The following PHF3 variants were observed in gnomAD, a reference collection of about 807,000 sequenced individuals.
PHF3 encodes the protein PHD finger protein 3.
A neutral mutation model predicts 178.4 loss-of-function variants in PHF3; 41 were observed. The observed-to-expected ratio is 0.23, with a 90% CI of 0.18 to 0.30. The LOEUF (loss-of-function observed/expected upper bound fraction) is 0.30. PHF3 is among the 10% of genes least tolerant of loss of function. The pLI is 1.00. For synonymous variants in PHF3, 842 were observed against 800.5 expected (o/e 1.05, Z -0.88); for missense variants, 2,346 against 2,398.1 (o/e 0.98, Z 0.45).
rs1309688560 is a variant in PHF3, at chr6:63,721,017, T to C, written c.*7309T>C. The stretch of plus-strand genomic sequence containing the variant: ...GAGACCAATTGCCAGAAAATCATTT[T>C]CTTCATTTTGAGCTATTCCCATCCA... On this transcript the variant is annotated 3_prime_UTR_variant, in exon 16 of 16. Coordinates refer to ENST00000262043, the MANE Select transcript of PHF3 (RefSeq NM_001370348.2). 6.4e-7 allele frequency: 1 copy of C among 1,551,226 alleles called. No homozygotes were observed. The highest frequency in any genetic ancestry group is 8.7e-7 in the Non-Finnish European group (1 of 1,146,782).
intron 5 of PHF3, among the ~76,000 whole-genome samples, chr6:63,692,787 A>G (rs1347646835): frequency 3.9e-5 from 6 of 152,294 alleles, no homozygotes; most frequent in African/African-American, 1.2e-4. Flanking sequence ...ATCCATTGCA[A>G]GGGGATACAT....
At chr6:63,674,418 A>G (rs1454045664) in intron 2 of PHF3, among the ~76,000 whole-genome samples, 1 of 149,856 alleles carries the variant, frequency 6.7e-6, no homozygotes, top group African/African-American at 2.4e-5. Context: ...TTATTTATAT[A>G]GCATTGTTAA....
chr6:63,680,260 T>C (rs2149578132), intron 3 of PHF3, 99 bp downstream of exon 3: 1 of 1,098,570 alleles, frequency 9.1e-7, no homozygotes, highest in South Asian at 1.7e-5. Flanking sequence ...TTCTTGATGT[T>C]TTGCTAATCC....
At chr6:63,706,694 A>G (rs990433060) in intron 12 of PHF3, 35 bp from the exon 13 acceptor site, 1 of 1,601,942 alleles carries the variant, frequency 6.2e-7, no homozygotes, top group Non-Finnish European at 8.5e-7. Flanking sequence ...TTTATTCATC[A>G]GCTTGTCTTT....
At position 63,713,545 on chromosome 6, in the gene PHF3, G is replaced by A. The variant is rs1336981396; in HGVS notation, c.5957G>A (p.Ser1986Asn). The A allele has an allele frequency of 6.2e-7, 1 of 1,613,514 alleles. No homozygotes were observed. The highest frequency in any genetic ancestry group is 8.5e-7 in the Non-Finnish European group (1 of 1,179,788). Residue 1986 changes from serine to asparagine, a missense_variant, in exon 16 of 16, where the codon AGC becomes AAC. Ser to Asn is a conservative substitution (Grantham distance 46). Coordinates refer to ENST00000262043, the MANE Select transcript of PHF3 (RefSeq NM_001370348.2). ...HGDRGTDGKA[S>N]RDSRNVDKKP... The stretch of plus-strand genomic sequence containing the variant: ...GATCGAGGAACAGATGGAAAAGCAA[G>A]CAGAGATAGTAGGAATGTAGACAAG...
intron 6 of PHF3, among the ~76,000 whole-genome samples, chr6:63,697,619 G>T (rs182098551): frequency 6.6e-6 from 1 of 152,256 alleles, no homozygotes; most frequent in East Asian, 1.9e-4. Flanking sequence ...AAAAGAGAGA[G>T]AATAAAGATA....
rs142550749 is a variant in PHF3 at position 63,700,424 on chromosome 6, T to A, written c.3057T>A (p.Ala1019=). ...HLIRMSPEEL[A]SKELAAWRRR... ...TCAGAATGAGTCCAGAAGAACTAGC[T>A]TCTAAAGAGTTAGCTGCTTGGAGAC... The change falls in exon 9 of 16, where the codon GCT becomes GCA. Residue 1019 remains alanine (A), a synonymous_variant. Transcript: ENST00000262043. 6.2e-7 allele frequency: 1 copy of A among 1,603,120 alleles called. No homozygotes were observed. The highest frequency in any genetic ancestry group is 1.1e-5 in the South Asian group (1 of 90,470).
chr6:63,681,974 T>C (rs983278963), intron 3 of PHF3, among the ~76,000 whole-genome samples: 12 of 152,226 alleles, frequency 7.9e-5, no homozygotes, highest in African/African-American at 1.2e-4. Context: ...CCATAACTTA[T>C]TAGATTGCTA....
chr6:63,677,093 AG>A (rs1263668295), intron 2 of PHF3, among the ~76,000 whole-genome samples: 1 of 152,122 alleles, frequency 6.6e-6, no homozygotes, highest in African/African-American at 2.4e-5. Context: ...TGGTAGAATC[AG>A]TGTTTATTTT....
Position 63,685,313 on chromosome 6 carries a change from A to G in PHF3, c.1591A>G (p.Asn531Asp), listed in dbSNP as rs773283302. Residue 531 changes from asparagine (N) to aspartate (D), a missense_variant, in exon 4 of 16, where the codon AAT becomes GAT. Physicochemically the swap from Asn to Asp is conservative, Grantham distance 23. This residue lies in a region of PHF3 where 843 missense variants were observed against 795.2 expected (regional missense o/e 1.06). Coordinates refer to ENST00000262043, the MANE Select transcript of PHF3 (RefSeq NM_001370348.2). ...AGTTAATGTCAAAAGTGTGAAACGAAATACTGATGTACCAGAATCTCAGCA... is the reference window on the plus strand; with the variant it reads ...AGTTAATGTCAAAAGTGTGAAACGAGATACTGATGTACCAGAATCTCAGCA... ...TKVNVKSVKR[N>D]TDVPESQQNF... 12 of 1,613,982 alleles carry G rather than the reference A, an allele frequency of 7.4e-6. No homozygotes were observed. The highest frequency in any genetic ancestry group is 1.7e-5 in the Admixed American group (1 of 59,994).
At position 63,725,565 on chromosome 6, in the gene PHF3, A is replaced by G. The variant is rs564357650; in HGVS notation, c.*11857A>G. The stretch of plus-strand genomic sequence containing the variant: ...GACATTTTCACAGGGAGATTTAATC[A>G]TGAATTTAAAACCAAATATCTCAGG... On this transcript the variant is annotated 3_prime_UTR_variant, in exon 16 of 16. Coordinates refer to ENST00000262043, the MANE Select transcript of PHF3 (RefSeq NM_001370348.2). 2.0e-5 allele frequency among the ~76,000 whole-genome samples: 3 copies of G among 152,294 alleles called. No homozygotes were observed. The highest frequency in any genetic ancestry group is 1.3e-4 in the Admixed American group (2 of 15,294).
Position 63,713,640 on chromosome 6 carries a change from G to C in PHF3, c.6052G>C (p.Gly2018Arg). 6.2e-7 allele frequency: 1 copy of C among 1,611,708 alleles called. No homozygotes were observed. Among genetic ancestry groups the C allele is most frequent in the Admixed American group, 1.7e-5 (1 of 59,594 alleles). Reference protein sequence around the residue: ...KEREKSKHREGEKDRDRYHKD... With the variant: ...KEREKSKHREREKDRDRYHKD... ...ACGAGAGAAAAGTAAACACAGAGAA[G>C]GAGAAAAGGACAGGGATAGGTACCA... The change falls in exon 16 of 16, where the codon GGA becomes CGA. Residue 2018 changes from glycine (G) to arginine (R), a missense_variant. Physicochemically the swap from Gly to Arg is moderately radical, Grantham distance 125. Coordinates refer to ENST00000262043, the MANE Select transcript of PHF3 (RefSeq NM_001370348.2).
rs79036642 is a variant in PHF3, at chr6:63,721,171, A to G, written c.*7463A>G. 6.0e-5 allele frequency: 93 copies of G among 1,551,640 alleles called. No individual in the cohort carries two copies. The East Asian group carries it at 2.2e-3, about 37-fold the overall frequency. On this transcript the variant is annotated 3_prime_UTR_variant, in exon 16 of 16. Coordinates refer to ENST00000262043, the MANE Select transcript of PHF3 (RefSeq NM_001370348.2). ...TTACCCATAAATTTTGCAGTTGAAA[A>G]TGAAGTTTTGTTTTCACAATACCTT...
chr6:63,686,078 A>G (rs1766691762), intron 4 of PHF3, 167 bp downstream of exon 4: 3 of 573,872 alleles, frequency 5.2e-6, no homozygotes, highest in Admixed American at 6.8e-5. Context: ...AGATGGATCT[A>G]CTGAATTTAC....
chr6:63,637,036 C>G (rs1214324930), intron 1 of PHF3, among the ~76,000 whole-genome samples: 1 of 152,098 alleles, frequency 6.6e-6, no homozygotes, highest in Non-Finnish European at 1.5e-5. Context: ...TTAGTGCTTT[C>G]CAGTAGTCAC....
intron 1 of PHF3, among the ~76,000 whole-genome samples, chr6:63,644,490 T>C (rs1764698436): frequency 6.6e-6 from 1 of 152,172 alleles, no homozygotes; most frequent in African/African-American, 2.4e-5. Context: ...GGTAGGGAAT[T>C]CTTAAAGGAA....
chr6:63,705,111 G>A (rs998924307), intron 11 of PHF3, among the ~76,000 whole-genome samples: 2 of 152,168 alleles, frequency 1.3e-5, no homozygotes, highest in African/African-American at 2.4e-5. Flanking sequence ...GTCATGAGCT[G>A]TTGCTATATA....
chr6:63,672,155 T>G (rs1765946879), intron 2 of PHF3, among the ~76,000 whole-genome samples: 1 of 152,362 alleles, frequency 6.6e-6, no homozygotes, highest in African/African-American at 2.4e-5. Context: ...TTTACAGTTT[T>G]TTACCGAACC....
intron 2 of PHF3, among the ~76,000 whole-genome samples, chr6:63,654,379 T>C (rs1765143309): frequency 1.3e-5 from 2 of 152,192 alleles, no homozygotes. Context: ...TTTTATCAAA[T>C]GTTGAACAAG....
Sources: allele counts gnomAD v4.1 joint callset (sites outside exome capture counted in the v4.1 genomes callset), GRCh38; gene constraint gnomAD v4.1.1; regional missense constraint gnomAD v4.1.1; transcripts MANE v1.5; gene names NCBI Gene and HGNC (gene_info 2026-07-23, HGNC 2026-07-21).